CRB2: variants seen among roughly 807,000 people sequenced by gnomAD.
CRB2 encodes the protein protein crumbs homolog 2.
A neutral mutation model predicts 110.9 loss-of-function variants in CRB2; 85 were observed. That is an observed-to-expected ratio of 0.77 (90% CI 0.64 to 0.92). The LOEUF (loss-of-function observed/expected upper bound fraction) is 0.92. CRB2 is among the 40% of genes least tolerant of loss of function. CRB2 has a pLI of 0.00. For missense variants in CRB2, 1,843 were observed against 1,851.3 expected (o/e 1.00, Z 0.08); for synonymous variants, 907 against 831.0 (o/e 1.09, Z -1.57).
At position 123,367,258 on chromosome 9, in the gene CRB2, G is replaced by A. The variant is rs1564371876; in HGVS notation, c.841G>A (p.Asp281Asn). 1.9e-6 allele frequency: 3 copies of A among 1,598,470 alleles called. No individual in the cohort carries two copies. Among genetic ancestry groups the A allele is most frequent in the African/African-American group, 2.7e-5 (2 of 74,400 alleles). The change falls in exon 5 of 13, where the codon GAC becomes AAC. Residue 281 changes from aspartate to asparagine, a missense_variant. Asp to Asn is a conservative substitution (Grantham distance 23). Coordinates refer to ENST00000373631, the MANE Select transcript of CRB2 (RefSeq NM_173689.7). ...QHGGRCLQRSDPALYGGVQAA... is the reference protein window; with the variant it reads ...QHGGRCLQRSNPALYGGVQAA... The stretch of plus-strand genomic sequence containing the variant: ...TGGGGGCCGATGCCTGCAGCGCTCT[G>A]ACCCGGCCCTCTACGGGGGTGTCCA...
At position 123,373,975 on chromosome 9, in the gene CRB2, G is replaced by C. The variant is rs1226226624; in HGVS notation, c.3389+55G>C. Reference sequence around the variant, plus strand: ...CGAATGCCCCCTGGGGCTATGGTGGGGCAGAGAAGTCTGCCAGGTCTGTGG... The same window carrying C: ...CGAATGCCCCCTGGGGCTATGGTGGCGCAGAGAAGTCTGCCAGGTCTGTGG... On this transcript the variant is annotated intron_variant, in intron 10 of 12. Coordinates refer to ENST00000373631, the MANE Select transcript of CRB2 (RefSeq NM_173689.7). The C allele has an allele frequency of 1.6e-5, 25 of 1,548,550 alleles. 1 individual carries two copies. In the East Asian group the frequency reaches 5.4e-4, roughly 33 times the overall value.
chr9:123,372,483 T>A, intron 9 of CRB2, 141 bp downstream of exon 9: 2 of 1,069,166 alleles, frequency 1.9e-6, no homozygotes, highest in Non-Finnish European at 2.6e-6. Flanking sequence ...GGCCACCGCA[T>A]GTAGAGGGAC....
At chr9:123,365,803 G>A in intron 2 of CRB2, 114 bp from the exon 3 acceptor site, 2 of 567,126 alleles carry the variant, frequency 3.5e-6, no homozygotes, top group Middle Eastern at 4.2e-4. Context: ...ACCACCATCC[G>A]GCTCTGAATG....
chr9:123,367,583 C>T lies in CRB2; in HGVS notation c.951C>T (p.Cys317=), dbSNP rs774871506. 2.8e-5 allele frequency: 44 copies of T among 1,557,382 alleles called. No individual in the cohort carries two copies. The highest frequency in any genetic ancestry group is 2.4e-4 in the South Asian group (20 of 84,406). Residue 317 remains cysteine, a synonymous_variant, in exon 6 of 13, where the codon TGC becomes TGT. Coordinates refer to ENST00000373631, the MANE Select transcript of CRB2 (RefSeq NM_173689.7). ...CTGGGCCTCTTACAGGAGCCGACTG[C>T]GGTGTGGAGGTGGACGAGTGTGCCT... ...HCPPGFEGAD[C]GVEVDECASR...
At chr9:123,360,249 G>A (rs1246098756) in intron 1 of CRB2, among the ~76,000 whole-genome samples, 2 of 152,198 alleles carry the variant, frequency 1.3e-5, no homozygotes, top group Non-Finnish European at 2.9e-5. Flanking sequence ...GGGTCCTCCT[G>A]CCCCTCCCCA....
Position 123,373,420 on chromosome 9 carries a change from GGAGCGCCCGGCGGCCA to G in CRB2, c.2890_2905del (p.Glu964ProfsTer172). ...CCTGGCACCGCGTGCGTCTGGCCAT[GGAGCGCCCGGCGGCCA>G]CCACCTCGCGCTGGCTGCTGTGGCT... is the stretch of plus-strand genomic sequence containing the variant. On this transcript the variant is annotated frameshift_variant, in exon 10 of 13. Coordinates refer to ENST00000373631, the MANE Select transcript of CRB2 (RefSeq NM_173689.7). LOFTEE classifies it high-confidence loss of function. The G allele has an allele frequency of 6.9e-7, 1 of 1,448,046 alleles. No homozygotes were observed. Among genetic ancestry groups the G allele is most frequent in the Non-Finnish European group, 9.0e-7 (1 of 1,105,840 alleles). 89.7% of individuals were successfully genotyped at this position (1,448,046 alleles called of 1,614,324 possible).
intron 8 of CRB2, 104 bp from the exon 9 acceptor site, chr9:123,372,073 C>G (rs2042024726): frequency 8.9e-7 from 1 of 1,121,368 alleles, no homozygotes; most frequent in African/African-American, 1.5e-5. Context: ...TGAGGAGATA[C>G]TGTGTCTGTA....
chr9:123,365,827 G>A (rs2041922796), intron 2 of CRB2, 90 bp from the exon 3 acceptor site: 3 of 1,171,850 alleles, frequency 2.6e-6, no homozygotes, highest in Admixed American at 3.0e-5. Flanking sequence ...GAATCCACGA[G>A]TCTCTAACTC....
chr9:123,355,299 C>G (rs1474452153), upstream of CRB2, among the ~76,000 whole-genome samples: 3 of 152,126 alleles, frequency 2.0e-5, no homozygotes, highest in Admixed American at 6.5e-5. Flanking sequence ...GGTTAGACAA[C>G]AAGAAGGACT....
At chr9:123,366,160 C>A in intron 3 of CRB2, 48 bp downstream of exon 3, 1 of 1,377,394 alleles carries the variant, frequency 7.3e-7, no homozygotes, top group Non-Finnish European at 9.3e-7. Context: ...TGCCCGAGGG[C>A]GGGGAGGCCA....
intron 11 of CRB2, 84 bp downstream of exon 11, chr9:123,374,779 C>T (rs924064063): frequency 8.9e-6 from 8 of 897,742 alleles, no homozygotes; most frequent in East Asian, 2.5e-5. Context: ...CGGGGGTCCT[C>T]GCCCACCTTC....
chr9:123,375,126 C>A, intron 11 of CRB2, 91 bp from the exon 12 acceptor site: 1 of 1,572,072 alleles, frequency 6.4e-7, no homozygotes, highest in Non-Finnish European at 8.7e-7. Flanking sequence ...AGCTCTGATG[C>A]TTGCTGAAGT....
Position 123,366,362 on chromosome 9 carries a change from G to T in CRB2, c.750G>T (p.Trp250Cys). 2 of 1,548,914 alleles carry T rather than the reference G, an allele frequency of 1.3e-6. No individual in the cohort carries two copies. Among genetic ancestry groups the T allele is most frequent in the East Asian group, 5.1e-5 (2 of 39,290 alleles). ...EGLGSFRCLCWPGYSGELCEV... is the reference protein window; with the variant it reads ...EGLGSFRCLCCPGYSGELCEV... ...TCGGGAGCTTCCGCTGCCTCTGTTGGCCAGGTGTGTGCGTGCAGGTGCGCG... is the reference window on the plus strand; with the variant it reads ...TCGGGAGCTTCCGCTGCCTCTGTTGTCCAGGTGTGTGCGTGCAGGTGCGCG... The change falls in exon 4 of 13, where the codon TGG becomes TGT. Residue 250 changes from tryptophan to cysteine, a missense_variant. Trp to Cys is a radical substitution (Grantham distance 215). Coordinates refer to ENST00000373631, the MANE Select transcript of CRB2 (RefSeq NM_173689.7).
chr9:123,366,199 C>G, intron 3 of CRB2, 28 bp from the exon 4 acceptor site: 1 of 1,395,516 alleles, frequency 7.2e-7, no homozygotes, highest in Non-Finnish European at 9.2e-7. Flanking sequence ...CAGGCGCGCG[C>G]TCAGCTCCGC....
At position 123,373,582 on chromosome 9, in the gene CRB2, G is replaced by A. The variant is rs1294529715; in HGVS notation, c.3051G>A (p.Val1017=). 4 of 1,446,384 alleles carry A rather than the reference G, an allele frequency of 2.8e-6. No homozygotes were observed. The Admixed American group carries it at 9.6e-5, about 35-fold the overall frequency. 89.6% of individuals were successfully genotyped at this position (1,446,384 alleles called of 1,614,324 possible). The part of the protein sequence containing the change: ...AENFTGCLGR[V]ALGGLPLPLA... ...ACTTCACCGGCTGCTTGGGCCGCGTGGCGCTGGGCGGCCTGCCCCTGCCCT... is the reference window on the plus strand; with the variant it reads ...ACTTCACCGGCTGCTTGGGCCGCGTAGCGCTGGGCGGCCTGCCCCTGCCCT... Residue 1017 remains valine (V), a synonymous_variant, in exon 10 of 13, where the codon GTG becomes GTA. Coordinates refer to ENST00000373631, the MANE Select transcript of CRB2 (RefSeq NM_173689.7).
chr9:123,354,154 G>A (rs2041773863), upstream of CRB2, among the ~76,000 whole-genome samples: 1 of 152,186 alleles, frequency 6.6e-6, no homozygotes, highest in African/African-American at 2.4e-5. Flanking sequence ...TCCCCGTCAC[G>A]TGGGACTCCT....
rs367792389 is a variant in CRB2 at position 123,361,885 on chromosome 9, TGTG to T, written c.95-976_95-974del. ...AAAGCTCAAGTTCTCACCTGGGCAT[TGTG>T]GTGACAAGGCTCTCAGGAAGGCAGG... On this transcript the variant is annotated intron_variant, in intron 1 of 12. Coordinates refer to ENST00000373631, the MANE Select transcript of CRB2 (RefSeq NM_173689.7). Among the ~76,000 whole-genome samples, 246 of 152,226 alleles carry T rather than the reference TGTG, an allele frequency of 1.6e-3. 1 individual carries two copies. The highest frequency in any genetic ancestry group is 5.6e-3 in the African/African-American group (232 of 41,540).
At chr9:123,379,173 C>T (rs911697440), downstream of CRB2, among the ~76,000 whole-genome samples, 7 of 151,730 alleles carry the variant, frequency 4.6e-5, no homozygotes, top group East Asian at 1.9e-4. Context: ...AGATGATGGG[C>T]GAGTCGGAGG....
rs377125978 is a variant in CRB2, at chr9:123,374,246, C to T, written c.3389+326C>T. The stretch of plus-strand genomic sequence containing the variant: ...TTTGGCGCTTCCCTTATTCATCTGG[C>T]AGTGGCTCTCCCGGGAGCCCAGCGT... On this transcript the variant is annotated intron_variant, in intron 10 of 12. Coordinates refer to ENST00000373631, the MANE Select transcript of CRB2 (RefSeq NM_173689.7). 1.3e-5 allele frequency: 8 copies of T among 593,924 alleles called. No homozygotes were observed. In the East Asian group the frequency reaches 2.3e-4, roughly 17 times the overall value. The allele number at this position is 593,924 out of a possible 1,614,324, so 36.8% of individuals were successfully genotyped here. A position where few individuals can be genotyped will look rare whatever the true frequency, so the allele number is the denominator to read the frequency against.
Sources: allele counts gnomAD v4.1 joint callset (sites outside exome capture counted in the v4.1 genomes callset), GRCh38; gene constraint gnomAD v4.1.1; transcripts MANE v1.5; gene names NCBI Gene and HGNC (gene_info 2026-07-23, HGNC 2026-07-21).